Variants in LRRIQ1 observed in about 807,000 individuals in gnomAD.
LRRIQ1 encodes the protein leucine rich repeats and IQ motif containing 1.
Under a neutral mutation model 211.9 loss-of-function variants are expected in LRRIQ1, and 210 were observed. The ratio of observed to expected loss-of-function variants is 0.99; its 90% CI spans 0.89 to 1.11. The LOEUF (loss-of-function observed/expected upper bound fraction) is 1.11. Among genes scored for constraint, LRRIQ1 ranks in the 50% most tolerant of loss-of-function variants. The pLI is 0.00. For synonymous variants in LRRIQ1, 699 were observed against 650.1 expected (o/e 1.08, Z -1.14); for missense variants, 2,136 against 1,939.5 (o/e 1.10, Z -1.90).
intron 24 of LRRIQ1, among the ~76,000 whole-genome samples, chr12:85,183,854 T>A (rs1892106041): frequency 6.6e-6 from 1 of 152,120 alleles, no homozygotes. Context: ...GGTTGTTTGT[T>A]TACTGTTATA....
intron 15 of LRRIQ1, among the ~76,000 whole-genome samples, chr12:85,119,728 A>C (rs554857909): frequency 6.6e-6 from 1 of 152,002 alleles, no homozygotes; most frequent in Non-Finnish European, 1.5e-5. Flanking sequence ...GTGGTATCAC[A>C]TTGTCTCGTT....
Position 85,055,919 on chromosome 12 carries a change from G to T in LRRIQ1, c.1126G>T (p.Glu376Ter). 1 of 1,604,016 alleles carries T rather than the reference G, an allele frequency of 6.2e-7. No homozygotes were observed. Among genetic ancestry groups the T allele is most frequent in the Non-Finnish European group, 8.5e-7 (1 of 1,176,750 alleles). ...EKKNIVKQER[E>*]QLISKEKIIL... ...AAAGAATATTGTGAAACAGGAAAGA[G>T]AGCAACTAATAAGCAAGGAAAAAAT... Residue 376 changes from glutamate (E) to a stop codon, truncating the protein, a stop_gained, in exon 8 of 27, where the codon GAG becomes TAG. Coordinates refer to ENST00000393217, the MANE Select transcript of LRRIQ1 (RefSeq NM_001079910.2). LOFTEE classifies it high-confidence loss of function.
chr12:85,132,537 T>C (rs931201312), intron 18 of LRRIQ1, among the ~76,000 whole-genome samples: 1 of 152,022 alleles, frequency 6.6e-6, no homozygotes, highest in Non-Finnish European at 1.5e-5. Flanking sequence ...GGAGGCCAAG[T>C]TGGACAGATT....
At chr12:85,227,116 A>G (rs529951556) in intron 24 of LRRIQ1, among the ~76,000 whole-genome samples, 2,989 of 151,666 alleles carry the variant, frequency 0.02, 67 homozygotes, top group Admixed American at 0.054. Context: ...GAATCGCCAC[A>G]CTGTCTTCCA....
intron 11 of LRRIQ1, among the ~76,000 whole-genome samples, chr12:85,085,254 A>G (rs895633560): frequency 6.6e-6 from 1 of 152,180 alleles, no homozygotes; most frequent in African/African-American, 2.4e-5. Context: ...ACAGTTCTGC[A>G]ACAGTTCTTC....
At chr12:85,136,807 T>G (rs1174943618) in intron 18 of LRRIQ1, among the ~76,000 whole-genome samples, 1 of 151,930 alleles carries the variant, frequency 6.6e-6, no homozygotes, top group Non-Finnish European at 1.5e-5. Context: ...TGAGTATATT[T>G]CACCTGGGGG....
At chr12:85,135,593 T>G (rs1889068362) in intron 18 of LRRIQ1, among the ~76,000 whole-genome samples, 1 of 151,938 alleles carries the variant, frequency 6.6e-6, no homozygotes, top group Non-Finnish European at 1.5e-5. Context: ...ATATTAATAA[T>G]TTTCCTTAAT....
At chr12:85,057,426 T>G (rs540153389) in intron 8 of LRRIQ1, among the ~76,000 whole-genome samples, 1 of 152,060 alleles carries the variant, frequency 6.6e-6, no homozygotes, top group Non-Finnish European at 1.5e-5. Context: ...TCTTGAAGCC[T>G]GTGTTCAAGG....
chr12:85,067,540 A>G (rs1014311540), intron 10 of LRRIQ1, among the ~76,000 whole-genome samples: 1 of 151,146 alleles, frequency 6.6e-6, no homozygotes, highest in Non-Finnish European at 1.5e-5. Flanking sequence ...TTTATCTTTT[A>G]TTTTTTATTT....
intron 11 of LRRIQ1, among the ~76,000 whole-genome samples, chr12:85,082,215 A>G (rs1030800965): frequency 6.6e-6 from 1 of 152,120 alleles, no homozygotes; most frequent in East Asian, 1.9e-4. Context: ...TGAAGTATCA[A>G]TCTATTATTA....
At chr12:85,098,284 A>T (rs1592791391) in intron 11 of LRRIQ1, 71 bp from the exon 12 acceptor site, 2 of 1,042,010 alleles carry the variant, frequency 1.9e-6, no homozygotes, top group African/African-American at 3.3e-5. Context: ...ATTTAGAAAA[A>T]AAATGGAAAC....
At chr12:85,144,675 A>G (rs1889768941) in intron 19 of LRRIQ1, among the ~76,000 whole-genome samples, 1 of 151,676 alleles carries the variant, frequency 6.6e-6, no homozygotes, top group African/African-American at 2.4e-5. Flanking sequence ...GAAGAAATAC[A>G]AAAGTAGCCA....
intron 19 of LRRIQ1, among the ~76,000 whole-genome samples, chr12:85,139,418 A>C (rs1482081719): frequency 6.6e-6 from 1 of 151,520 alleles, no homozygotes; most frequent in Non-Finnish European, 1.5e-5. Flanking sequence ...ATGTGTTGAT[A>C]GGAAAATGAA....
intron 24 of LRRIQ1, among the ~76,000 whole-genome samples, chr12:85,189,157 G>A (rs1287853149): frequency 1.3e-5 from 2 of 152,110 alleles, no homozygotes; most frequent in African/African-American, 4.8e-5. Context: ...GGAATGCCAA[G>A]ATATGCTCCT....
chr12:85,124,662 G>A lies in LRRIQ1; in HGVS notation c.4007+143G>A, dbSNP rs1888242950. On this transcript the variant is annotated intron_variant, in intron 17 of 26. Transcript: ENST00000393217. ...ACCGATTCCATTATGTTTTCGTGAGGTGCATTATGTTTTCATGAGGTGCAC... is the reference window on the plus strand; with the variant it reads ...ACCGATTCCATTATGTTTTCGTGAGATGCATTATGTTTTCATGAGGTGCAC... 4.6e-6 allele frequency: 3 copies of A among 653,136 alleles called. No homozygotes were observed. In the South Asian group the frequency reaches 5.7e-5, roughly 12 times the overall value. 40.5% of individuals were successfully genotyped at this position (653,136 alleles called of 1,614,324 possible).
At chr12:85,077,904 C>G (rs1237132754) in intron 11 of LRRIQ1, among the ~76,000 whole-genome samples, 2 of 151,886 alleles carry the variant, frequency 1.3e-5, no homozygotes, top group East Asian at 3.9e-4. Context: ...GGGAGAATCA[C>G]TTGAGCTTGG....
chr12:85,210,273 T>C (rs1893775571), intron 24 of LRRIQ1, among the ~76,000 whole-genome samples: 1 of 152,104 alleles, frequency 6.6e-6, no homozygotes, highest in Non-Finnish European at 1.5e-5. Context: ...TTCTGAAGAA[T>C]AGCTTTTTCA....
At chr12:85,149,907 T>C (rs1890126757) in intron 19 of LRRIQ1, among the ~76,000 whole-genome samples, 2 of 151,834 alleles carry the variant, frequency 1.3e-5, no homozygotes, top group Non-Finnish European at 2.9e-5. Context: ...AAGTTTTCTG[T>C]ACTTTTAAAT....
chr12:85,164,023 A>G (rs904382132), intron 24 of LRRIQ1, among the ~76,000 whole-genome samples: 2 of 152,082 alleles, frequency 1.3e-5, no homozygotes, highest in African/African-American at 4.8e-5. Context: ...CAGATTTAAC[A>G]TTGGCTTATT....
Sources: gnomAD v4.1 joint callset for allele counts (sites outside exome capture counted in the v4.1 genomes callset) on GRCh38, gnomAD v4.1.1 for gene constraint, MANE v1.5 for transcripts, NCBI Gene and HGNC (gene_info 2026-07-23, HGNC 2026-07-21) for gene names.